WDR19: variants seen among roughly 807,000 people sequenced by gnomAD.
WDR19 encodes the protein WD repeat-containing protein 19.
Under a neutral mutation model 180.0 loss-of-function variants are expected in WDR19, and 121 were observed. That is an observed-to-expected ratio of 0.67 (90% CI 0.58 to 0.78). The LOEUF is 0.78. Among genes scored for constraint, WDR19 ranks in the 30% least tolerant of loss-of-function variants. WDR19 has a pLI of 0.00. For missense variants in WDR19, 1,450 were observed against 1,640.7 expected, an observed-to-expected ratio of 0.88 and a Z score of 2.01; for synonymous variants, 497 against 540.7, an observed-to-expected ratio of 0.92 and a Z score of 1.12.
Position 39,211,402 on chromosome 4 carries a change from C to G in WDR19, c.891-3199C>G, listed in dbSNP as rs571688912. Among the ~76,000 whole-genome samples, 3 of 152,272 alleles carry G rather than the reference C, an allele frequency of 2.0e-5. No homozygotes were observed. In the South Asian group the frequency reaches 6.2e-4, roughly 32 times the overall value. ...TAGAAAGGAAGAAGGAAAACTATCT[C>G]TATTTGCAGATGTCATGATCATCTT... On this transcript the variant is annotated intron_variant, in intron 9 of 36. Coordinates refer to ENST00000399820, the MANE Select transcript of WDR19 (RefSeq NM_025132.4).
chr4:39,212,839 A>G (rs774142397), intron 9 of WDR19, among the ~76,000 whole-genome samples: 2 of 152,214 alleles, frequency 1.3e-5, no homozygotes, highest in Non-Finnish European at 2.9e-5. Flanking sequence ...CTATTTACAT[A>G]TCAATTTATA....
intron 36 of WDR19, among the ~76,000 whole-genome samples, chr4:39,279,563 C>A (rs1038691494): frequency 3.3e-5 from 5 of 152,214 alleles, no homozygotes; most frequent in African/African-American, 1.2e-4. Flanking sequence ...TGTTGCAGCC[C>A]CACTGGCCTT....
chr4:39,273,065 A>C lies in WDR19; in HGVS notation c.3565+4A>C, dbSNP rs771431758. 16 of 1,598,792 alleles carry C rather than the reference A, an allele frequency of 1.0e-5. 1 individual carries two copies. In the South Asian group the frequency reaches 1.8e-4, roughly 18 times the overall value. On this transcript the variant is annotated splice_donor_region_variant and intron_variant, in intron 32 of 36. Transcript: ENST00000399820. ...AACATCAGCAAATTTCCATCACGTA[A>C]GTACCACTGACCAGAGCTCTCACCC... is the stretch of plus-strand genomic sequence containing the variant.
At chr4:39,193,362 A>G (rs1343419895) in intron 4 of WDR19, among the ~76,000 whole-genome samples, 1 of 151,450 alleles carries the variant, frequency 6.6e-6, no homozygotes, top group Non-Finnish European at 1.5e-5. Context: ...GGTTCACCAT[A>G]ATGGCCAGGC....
chr4:39,267,694 C>A (rs1054440594), intron 29 of WDR19, among the ~76,000 whole-genome samples: 6 of 152,126 alleles, frequency 3.9e-5, no homozygotes, highest in African/African-American at 1.4e-4. Flanking sequence ...TCCTGACTGG[C>A]CCCCTCCTGT....
At chr4:39,230,497 A>C (rs1343416988) in intron 17 of WDR19, among the ~76,000 whole-genome samples, 1 of 152,210 alleles carries the variant, frequency 6.6e-6, no homozygotes, top group Non-Finnish European at 1.5e-5. Flanking sequence ...TGACGTCTCT[A>C]AGCCTCATTT....
chr4:39,214,368 C>T (rs1360985464), intron 9 of WDR19, among the ~76,000 whole-genome samples: 1 of 151,940 alleles, frequency 6.6e-6, no homozygotes, highest in East Asian at 2.0e-4. Flanking sequence ...ACCCTACCCG[C>T]CCCCCATCTC....
chr4:39,264,206 T>A (rs1046961801), intron 28 of WDR19, among the ~76,000 whole-genome samples: 2 of 152,188 alleles, frequency 1.3e-5, no homozygotes, highest in East Asian at 1.9e-4. Context: ...CACGATCACA[T>A]GGGTCTCAAG....
In WDR19 at chr4:39,253,188, G is replaced by A; in HGVS notation, c.2772G>A (p.Trp924Ter). ...TAGCTTATGAAAATGCAAAACAGTG[G>A]CAAAGTGTAATCCGCATCTATCTGG... Reference protein sequence around the residue: ...AVVAYENAKQWQSVIRIYLDH... With the variant: ...AVVAYENAKQ The change falls in exon 25 of 37, where the codon TGG becomes TGA. Residue 924 changes from tryptophan to a stop codon, truncating the protein, a stop_gained. Coordinates refer to ENST00000399820, the MANE Select transcript of WDR19 (RefSeq NM_025132.4). LOFTEE classifies it high-confidence loss of function. 3.7e-6 allele frequency: 6 copies of A among 1,611,610 alleles called. No individual in the cohort carries two copies. Among genetic ancestry groups the A allele is most frequent in the Non-Finnish European group, 5.1e-6 (6 of 1,179,206 alleles).
chr4:39,238,061 G>A (rs954320758), intron 20 of WDR19: 1 of 152,194 alleles, frequency 6.6e-6, no homozygotes, highest in African/African-American at 2.4e-5. Context: ...GATTCTCAAA[G>A]CTTTCACTGA....
intron 36 of WDR19, among the ~76,000 whole-genome samples, chr4:39,285,010 A>C (rs1737027098): frequency 6.6e-6 from 1 of 151,886 alleles, no homozygotes; most frequent in African/African-American, 2.4e-5. Flanking sequence ...AATCATGCCT[A>C]TGAACAGCCA....
chr4:39,235,379 C>T (rs1294272226), intron 20 of WDR19, among the ~76,000 whole-genome samples: 3 of 152,154 alleles, frequency 2.0e-5, no homozygotes, highest in Non-Finnish European at 4.4e-5. Context: ...ATCCTCCCAG[C>T]TCAGCCTCCC....
intron 26 of WDR19, 83 bp from the exon 27 acceptor site, chr4:39,255,765 A>AT: frequency 1.5e-6 from 1 of 656,556 alleles, no homozygotes; most frequent in Admixed American, 3.4e-5. Flanking sequence ...TTAATCACCT[A>AT]TTTTTAGATT....
At chr4:39,244,152 C>T (rs1732256521) in intron 21 of WDR19, 96 bp from the exon 22 acceptor site, 2 of 1,402,982 alleles carry the variant, frequency 1.4e-6, no homozygotes, top group East Asian at 4.7e-5. Context: ...AAACCATAAC[C>T]TTTGGACTCA....
intron 24 of WDR19, 55 bp downstream of exon 24, chr4:39,245,507 T>G: frequency 6.5e-7 from 1 of 1,546,516 alleles, no homozygotes; most frequent in Non-Finnish European, 8.8e-7. Flanking sequence ...GCTTTACAAA[T>G]TAACCATTGA....
chr4:39,228,406 G>A (rs1255838916), intron 16 of WDR19, 49 bp downstream of exon 16: 13 of 1,602,112 alleles, frequency 8.1e-6, no homozygotes, highest in African/African-American at 6.7e-5. Context: ...ATTTCCCATT[G>A]CAGTAAAATT....
At chr4:39,210,891 C>T (rs1728426798) in intron 9 of WDR19, among the ~76,000 whole-genome samples, 1 of 152,060 alleles carries the variant, frequency 6.6e-6, no homozygotes, top group Non-Finnish European at 1.5e-5. Flanking sequence ...AATCCCAGCA[C>T]CTTGGGAGGC....
At chr4:39,194,426 G>C in intron 4 of WDR19, 118 bp from the exon 5 acceptor site, 1 of 589,820 alleles carries the variant, frequency 1.7e-6, no homozygotes, top group Admixed American at 3.3e-5. Context: ...GCATTAAGTT[G>C]TATTTTGTAC....
intron 14 of WDR19, among the ~76,000 whole-genome samples, 179 bp from the exon 15 acceptor site, chr4:39,224,705 T>C (rs1212142001): frequency 6.6e-6 from 1 of 152,182 alleles, no homozygotes; most frequent in Non-Finnish European, 1.5e-5. Flanking sequence ...TTTTCCCATT[T>C]TATTTATTTT....
Sources: allele counts gnomAD v4.1 joint callset (sites outside exome capture counted in the v4.1 genomes callset), GRCh38; gene constraint gnomAD v4.1.1; transcripts MANE v1.5; gene names NCBI Gene and HGNC (gene_info 2026-07-23, HGNC 2026-07-21).